The following GABBR2 variants were observed in gnomAD, a reference collection of about 807,000 sequenced individuals.
GABBR2 encodes the protein gamma-aminobutyric acid type B receptor subunit 2.
Under a neutral mutation model 105.6 loss-of-function variants are expected in GABBR2, and 23 were observed. The observed-to-expected ratio is 0.22, with a 90% confidence interval of 0.16 to 0.31. GABBR2 has a LOEUF of 0.31. Ranked by LOEUF, GABBR2 falls within the 10% of genes least tolerant of loss-of-function variation. The pLI, the probability that GABBR2 is intolerant of heterozygous loss-of-function variation, is 1.00. For missense variants in GABBR2, 734 were observed against 1,245.5 expected, an observed-to-expected ratio of 0.59 and a Z score of 6.18; for synonymous variants, 478 against 499.7, an observed-to-expected ratio of 0.96 and a Z score of 0.58.
chr9:98,356,291 A>C (rs1297522520), intron 13 of GABBR2, among the ~76,000 whole-genome samples: 1 of 152,242 alleles, frequency 6.6e-6, no homozygotes, highest in African/African-American at 2.4e-5. Flanking sequence ...CTAATAAAGG[A>C]CTTGCATCCA....
At chr9:98,493,699 T>C (rs1437099267) in intron 4 of GABBR2, among the ~76,000 whole-genome samples, 1 of 152,226 alleles carries the variant, frequency 6.6e-6, no homozygotes, top group Non-Finnish European at 1.5e-5. Context: ...AGAAACTTGC[T>C]TTTCCTCTGA....
At chr9:98,704,290 A>C (rs337557) in intron 1 of GABBR2, among the ~76,000 whole-genome samples, 130,525 of 152,238 alleles carry the variant, frequency 0.86, 56,148 homozygotes, top group Middle Eastern at 0.93. Flanking sequence ...GACATGCTCA[A>C]CAATCACTGG....
chr9:98,471,059 T>A (rs1826662846), intron 6 of GABBR2, among the ~76,000 whole-genome samples: 1 of 152,196 alleles, frequency 6.6e-6, no homozygotes, highest in African/African-American at 2.4e-5. Flanking sequence ...ATTCCTTTGC[T>A]ACTGGAAGAT....
At position 98,413,929 on chromosome 9, in the gene GABBR2, G is replaced by C. The variant is rs1832637076; in HGVS notation, c.1237-7788C>G. Among the ~76,000 whole-genome samples the C allele has an allele frequency of 2.0e-5, 3 of 152,234 alleles. No homozygotes were observed. In the South Asian group the frequency reaches 6.2e-4, roughly 32 times the overall value. ...TCAGGTGTAAATGAGTGTCTAAGAA[G>C]TACGGGAAAAGTGAAGTAAATTTTA... On this transcript the variant is annotated intron_variant, in intron 7 of 18. Coordinates refer to ENST00000259455, the MANE Select transcript of GABBR2 (RefSeq NM_005458.8).
At chr9:98,321,782 G>T (rs1830826389) in intron 13 of GABBR2, among the ~76,000 whole-genome samples, 1 of 152,210 alleles carries the variant, frequency 6.6e-6, no homozygotes, top group Non-Finnish European at 1.5e-5. Flanking sequence ...CATGACGACA[G>T]CACAGTTGTG....
intron 1 of GABBR2, among the ~76,000 whole-genome samples, chr9:98,614,339 C>A (rs1030084117): frequency 6.6e-6 from 1 of 152,140 alleles, no homozygotes. Flanking sequence ...GCCTGGTCAA[C>A]ATGGTGAAAT....
At chr9:98,406,235 C>T in intron 7 of GABBR2, 94 bp from the exon 8 acceptor site, 2 of 655,044 alleles carry the variant, frequency 3.1e-6, no homozygotes, top group Non-Finnish European at 5.2e-6. Flanking sequence ...ATTAACTGTA[C>T]AATGCGATTA....
chr9:98,519,589 G>A (rs527333571), intron 3 of GABBR2, among the ~76,000 whole-genome samples: 1 of 152,336 alleles, frequency 6.6e-6, no homozygotes, highest in South Asian at 2.1e-4. Context: ...AATAAAATGA[G>A]ATTCAGAGCT....
At chr9:98,484,704 C>T (rs971201344) in intron 4 of GABBR2, among the ~76,000 whole-genome samples, 1 of 152,150 alleles carries the variant, frequency 6.6e-6, no homozygotes, top group Non-Finnish European at 1.5e-5. Flanking sequence ...ATACTGCGTT[C>T]TCCTTTCTAA....
intron 1 of GABBR2, among the ~76,000 whole-genome samples, chr9:98,638,787 C>T (rs1451046380): frequency 6.6e-6 from 1 of 152,102 alleles, no homozygotes; most frequent in Non-Finnish European, 1.5e-5. Context: ...AGCACCTGGA[C>T]CCATTTAGAT....
rs1476193661 is a variant in GABBR2, at chr9:98,318,936, G to T, written c.1894-7731C>A. Among the ~76,000 whole-genome samples the T allele has an allele frequency of 2.0e-5, 3 of 151,194 alleles. No individual in the cohort carries two copies. The East Asian group carries it at 5.8e-4, about 29-fold the overall frequency. ...GTGTTGGGGGTGTGTGTGTGTGTGT[G>T]GTGTGTGTGTATTAGGGGGTGTGTT... On this transcript the variant is annotated intron_variant, in intron 13 of 18. Coordinates refer to ENST00000259455, the MANE Select transcript of GABBR2 (RefSeq NM_005458.8).
Position 98,290,711 on chromosome 9 carries a change from T to C in GABBR2, c.2699A>G (p.His900Arg). The C allele has an allele frequency of 6.7e-7, 1 of 1,486,322 alleles. No individual in the cohort carries two copies. The highest frequency in any genetic ancestry group is 8.9e-7 in the Non-Finnish European group (1 of 1,129,710). 92.1% of individuals were successfully genotyped at this position (1,486,322 alleles called of 1,614,324 possible). ...TCCGATGGATGGGAGGTAGGCGTGG[T>C]GGAGGATGGGGAGCTGGAGGGACAG... ...RRLSLQLPIL[H>R]HAYLPSIGGV... Residue 900 changes from histidine (H) to arginine (R), a missense_variant, in exon 19 of 19, where the codon CAC (histidine) becomes CGC (arginine). Coordinates refer to ENST00000259455, the MANE Select transcript of GABBR2 (RefSeq NM_005458.8).
At chr9:98,367,312 A>T (rs866104758) in intron 12 of GABBR2, among the ~76,000 whole-genome samples, 8 of 143,820 alleles carry the variant, frequency 5.6e-5, no homozygotes, top group Non-Finnish European at 8.8e-5. Flanking sequence ...AAAAAAAAAA[A>T]AAATAAGGGG....
intron 1 of GABBR2, among the ~76,000 whole-genome samples, chr9:98,635,065 T>A (rs1211842740): frequency 6.6e-6 from 1 of 152,234 alleles, no homozygotes; most frequent in Non-Finnish European, 1.5e-5. Flanking sequence ...TACAGGCTAC[T>A]CAGTCCCAGT....
chr9:98,667,873 C>T (rs1830356687), intron 1 of GABBR2, among the ~76,000 whole-genome samples: 1 of 152,176 alleles, frequency 6.6e-6, no homozygotes, highest in South Asian at 2.1e-4. Flanking sequence ...ATATGCCTGT[C>T]CCCCCAGCTG....
chr9:98,604,963 A>G (rs1829391922), intron 1 of GABBR2, among the ~76,000 whole-genome samples: 1 of 152,176 alleles, frequency 6.6e-6, no homozygotes, highest in South Asian at 2.1e-4. Context: ...TATGCCATTC[A>G]CCACACCAGA....
chr9:98,385,659 G>T lies in GABBR2; in HGVS notation c.1643C>A (p.Thr548Asn), dbSNP rs758213559. 1 of 1,613,328 alleles carries T rather than the reference G, an allele frequency of 6.2e-7. No homozygotes were observed. Among genetic ancestry groups the T allele is most frequent in the South Asian group, 1.1e-5 (1 of 91,062 alleles). Residue 548 changes from threonine (T) to asparagine (N), a missense_variant, in exon 11 of 19, where the codon ACC (threonine) becomes AAC (asparagine). Transcript: ENST00000259455. ...GLDGSFVSEK[T>N]FETLCTVRTW... The stretch of plus-strand genomic sequence containing the variant: ...ACTTACGGTGCAAAGTGTTTCAAAG[G>T]TCTTTTCAGAGACAAAGGATCCATC...
rs151313533 is a variant in GABBR2 at position 98,568,966 on chromosome 9, G to A, written c.459+8969C>T. On this transcript the variant is annotated intron_variant, in intron 2 of 18. Transcript: ENST00000259455. ...GGGTCTCTTCTGCCCTCTCTGCTTG[G>A]CCCATAGTGCATGCCCTTAGCATCA... 5.9e-5 allele frequency among the ~76,000 whole-genome samples: 9 copies of A among 152,056 alleles called. No individual in the cohort carries two copies. In the East Asian group the frequency reaches 1.6e-3, roughly 26 times the overall value.
chr9:98,585,528 T>C (rs541741836), intron 1 of GABBR2, among the ~76,000 whole-genome samples: 248 of 149,508 alleles, frequency 1.7e-3, no homozygotes, highest in African/African-American at 5.6e-3. Context: ...CATTAGGAGA[T>C]ATACCTAATG....
Sources: gnomAD v4.1 joint callset for allele counts (sites outside exome capture counted in the v4.1 genomes callset) on GRCh38, gnomAD v4.1.1 for gene constraint, MANE v1.5 for transcripts, NCBI Gene and HGNC (gene_info 2026-07-23, HGNC 2026-07-21) for gene names.